ZBTB34: variants seen among roughly 807,000 people sequenced by gnomAD.
ZBTB34 encodes zinc finger and BTB domain-containing protein 34.
A neutral mutation model predicts 33.4 loss-of-function variants in ZBTB34; 1 was observed. The ratio of observed to expected loss-of-function variants is 0.03; its 90% CI spans 0.01 to 0.14. The LOEUF is 0.14. ZBTB34 is among the 10% of genes least tolerant of loss of function. The pLI is 1.00. For synonymous variants in ZBTB34, 283 were observed against 253.5 expected, an observed-to-expected ratio of 1.12 and a Z score of -1.11; for missense variants, 406 against 657.2, an observed-to-expected ratio of 0.62 and a Z score of 4.18.
exon 2 of ZBTB34, chr9:126,881,143 A>G (rs541999370): frequency 5.3e-5 from 28 of 532,344 alleles, no homozygotes; most frequent in Admixed American, 3.6e-4. Context: ...ACACAGGCTG[A>G]CAGTATTCCT....
At chr9:126,884,046 G>T (rs926785440) in exon 2 of ZBTB34, 25 of 167,030 alleles carry the variant, frequency 1.5e-4, no homozygotes. Flanking sequence ...TTTAGGTTAG[G>T]TGTTTCATTT....
intron 1 of ZBTB34, among the ~76,000 whole-genome samples, chr9:126,878,826 C>T (rs73585567): frequency 0.048 from 7,290 of 150,996 alleles, 565 homozygotes; most frequent in African/African-American, 0.17. Flanking sequence ...TGAGGTCAAG[C>T]GATTCCCCTG....
intron 1 of ZBTB34, among the ~76,000 whole-genome samples, chr9:126,868,474 G>A (rs903640946): frequency 3.9e-5 from 6 of 152,134 alleles, no homozygotes; most frequent in African/African-American, 1.4e-4. Flanking sequence ...CCTGTGGCTT[G>A]TACCCACAGT....
rs190160177 is a variant in ZBTB34, at chr9:126,881,118, A to G, written c.*204A>G. 3.4e-4 allele frequency: 200 copies of G among 593,602 alleles called. 3 individuals carry two copies. Among genetic ancestry groups the G allele is most frequent in the African/African-American group, 3.3e-3 (177 of 53,594 alleles). The allele number at this position is 593,602 out of a possible 1,614,324, so 36.8% of individuals were successfully genotyped here. On this transcript the variant is annotated 3_prime_UTR_variant, in exon 2 of 2. Transcript: ENST00000319119. ...GAAGGAGCTCAAAGCATGAAGGGCA[A>G]CGCATCCAGGGAAAACACAGGCTGA...
chr9:126,863,983 A>G (rs1321788038), intron 1 of ZBTB34, among the ~76,000 whole-genome samples: 1 of 152,224 alleles, frequency 6.6e-6, no homozygotes, highest in African/African-American at 2.4e-5. Flanking sequence ...GAAGTACAAC[A>G]TATTGTGACC....
chr9:126,874,120 C>T (rs2033321414), intron 1 of ZBTB34, among the ~76,000 whole-genome samples: 1 of 140,512 alleles, frequency 7.1e-6, no homozygotes, highest in African/African-American at 2.7e-5. Context: ...TGGCTCACTG[C>T]AAGCTCCGTC....
chr9:126,880,561 A>G lies in ZBTB34; in HGVS notation c.1162A>G (p.Lys388Glu). 1 of 1,613,914 alleles carries G rather than the reference A, an allele frequency of 6.2e-7. No individual in the cohort carries two copies. The highest frequency in any genetic ancestry group is 8.5e-7 in the Non-Finnish European group (1 of 1,179,898). Residue 388 changes from lysine (K) to glutamate (E), a missense_variant, in exon 2 of 2, where the codon AAA becomes GAA. Physicochemically the swap from Lys to Glu is moderately conservative, Grantham distance 56. This residue lies in a region of ZBTB34 where 36 missense variants were observed against 109.4 expected (regional missense o/e 0.33). Coordinates refer to ENST00000319119, the Ensembl canonical transcript of ZBTB34. The surrounding 1 kb of genome is among the most constrained non-coding windows in gnomAD (Gnocchi z 6.7). ...TTACTGTGGAAAGTCCTTCAACCAG[A>G]AAGGAAGCCTTGATAGGCACATGCG...
At chr9:126,871,162 G>A (rs2033271943) in intron 1 of ZBTB34, among the ~76,000 whole-genome samples, 2 of 149,476 alleles carry the variant, frequency 1.3e-5, no homozygotes, top group South Asian at 2.1e-4. Context: ...ACATAAGAAA[G>A]CCAAGATGTA....
At chr9:126,862,582 C>A (rs942643729) in intron 1 of ZBTB34, among the ~76,000 whole-genome samples, 3 of 152,200 alleles carry the variant, frequency 2.0e-5, no homozygotes, top group Admixed American at 6.5e-5. Context: ...TGTTGTTCCC[C>A]CTTCTGAAGC....
intron 1 of ZBTB34, among the ~76,000 whole-genome samples, chr9:126,874,036 C>CTTTTTTTTTTTTT (rs781115278): frequency 9.1e-5 from 6 of 66,034 alleles, no homozygotes; most frequent in East Asian, 5.4e-4. Context: ...TGTGTATGTT[C>CTTTTTTTTTTTTT]TTTTTTTTTT....
At chr9:126,885,375 C>T (rs2033508336) in exon 2 of ZBTB34, 2 of 167,090 alleles carry the variant, frequency 1.2e-5, no homozygotes, top group South Asian at 4.1e-4. Context: ...TGAATTCAAC[C>T]TTTGGACTTG....
chr9:126,871,182 GGTGTGTGT>G (rs1051590372), intron 1 of ZBTB34, among the ~76,000 whole-genome samples: 2 of 122,372 alleles, frequency 1.6e-5, no homozygotes, highest in African/African-American at 6.4e-5. Flanking sequence ...AAGTGAGGGG[GGTGTGTGT>G]GTGTGTGTGT....
chr9:126,872,039 C>T (rs1190999875), intron 1 of ZBTB34, among the ~76,000 whole-genome samples: 1 of 151,990 alleles, frequency 6.6e-6, no homozygotes, highest in African/African-American at 2.4e-5. Flanking sequence ...CTGCAACTTC[C>T]GCCTCCCGGG....
exon 2 of ZBTB34, chr9:126,881,584 A>G (rs570407847): frequency 1.2e-5 from 2 of 167,140 alleles, no homozygotes; most frequent in African/African-American, 4.8e-5. Flanking sequence ...ATTGTGTCCA[A>G]AAGCAAGCAA....
At chr9:126,868,337 T>C (rs2119211618) in intron 1 of ZBTB34, among the ~76,000 whole-genome samples, 1 of 152,264 alleles carries the variant, frequency 6.6e-6, no homozygotes. Context: ...CATCAGACCT[T>C]AATTTTCTTT....
intron 1 of ZBTB34, among the ~76,000 whole-genome samples, chr9:126,874,379 T>C (rs573977452): frequency 6.6e-5 from 10 of 152,048 alleles, no homozygotes; most frequent in Non-Finnish European, 1.3e-4. Flanking sequence ...GTATTTTTAT[T>C]GTTTTCTACC....
At chr9:126,865,619 G>A (rs903880583) in intron 1 of ZBTB34, among the ~76,000 whole-genome samples, 5 of 152,178 alleles carry the variant, frequency 3.3e-5, no homozygotes, top group African/African-American at 1.2e-4. Flanking sequence ...GTGAGAGGAT[G>A]TCATTAGTTT....
chr9:126,867,029 C>T (rs1228504408), intron 1 of ZBTB34, among the ~76,000 whole-genome samples: 1 of 151,844 alleles, frequency 6.6e-6, no homozygotes, highest in Non-Finnish European at 1.5e-5. Flanking sequence ...AGCACTCCTT[C>T]CATATCAAAG....
chr9:126,874,257 C>T (rs1358837616), intron 1 of ZBTB34, among the ~76,000 whole-genome samples: 4 of 146,138 alleles, frequency 2.7e-5, no homozygotes, highest in South Asian at 2.2e-4. Flanking sequence ...TCACCGTGTT[C>T]GCCAGGATGG....
Sources: allele counts gnomAD v4.1 joint callset (sites outside exome capture counted in the v4.1 genomes callset), GRCh38; gene constraint gnomAD v4.1.1; regional missense constraint gnomAD v4.1.1; non-coding constraint Gnocchi (gnomAD v3.1); transcripts MANE v1.5; gene names NCBI Gene and HGNC (gene_info 2026-07-23, HGNC 2026-07-21).